APCDD1L: variants seen among roughly 807,000 people sequenced by gnomAD.
APCDD1L encodes the protein APC down-regulated 1 like, also known as protein APCDD1-like.
APCDD1L carries 21 observed loss-of-function variants against 24.2 expected under a neutral mutation model. The ratio of observed to expected loss-of-function variants is 0.87; its 90% confidence interval spans 0.61 to 1.25. The LOEUF is 1.25. Ranked by LOEUF, APCDD1L falls within the 50% of genes most tolerant of loss-of-function variation. APCDD1L has a pLI of 0.00. For synonymous variants in APCDD1L, 321 were observed against 323.6 expected, an observed-to-expected ratio of 0.99 and a Z score of 0.09; for missense variants, 704 against 711.7, an observed-to-expected ratio of 0.99 and a Z score of 0.12.
At chr20:58,493,140 C>T (rs1200335297) in intron 1 of APCDD1L, among the ~76,000 whole-genome samples, 1 of 152,254 alleles carries the variant, frequency 6.6e-6, no homozygotes, top group Non-Finnish European at 1.5e-5. Flanking sequence ...GATGCACTCA[C>T]ACACAATGCA....
chr20:58,469,165 A>T (rs925940934), intron 2 of APCDD1L, among the ~76,000 whole-genome samples: 17 of 152,224 alleles, frequency 1.1e-4, no homozygotes, highest in African/African-American at 3.9e-4. Flanking sequence ...GGATAATATT[A>T]CGTTTTCTTT....
At position 58,497,146 on chromosome 20, in the gene APCDD1L, G is replaced by A. The variant is rs990475095; in HGVS notation, c.49+17513C>T. 6.6e-6 allele frequency among the ~76,000 whole-genome samples: 1 copy of A among 151,962 alleles called. No individual in the cohort carries two copies. Among genetic ancestry groups the A allele is most frequent in the Admixed American group, 6.6e-5 (1 of 15,264 alleles). On this transcript the variant is annotated intron_variant, in intron 1 of 3. Transcript: ENST00000371149. This position sits in a 1 kb window ranked among gnomAD's most constrained non-coding sequence, Gnocchi z 4.3. ...GTGGACACCAGAGGTCACAAGATGG[G>A]GGATGAGGAGGGGGTTGGCGGGAGT...
chr20:58,470,349 T>A (rs1980575), intron 2 of APCDD1L, among the ~76,000 whole-genome samples: 17,891 of 152,158 alleles, frequency 0.12, 1,673 homozygotes, highest in East Asian at 0.27. Context: ...TGCTGACCCC[T>A]GGCACTTAGC....
At chr20:58,480,756 G>A (rs1990010006) in intron 1 of APCDD1L, among the ~76,000 whole-genome samples, 1 of 152,164 alleles carries the variant, frequency 6.6e-6, no homozygotes, top group Non-Finnish European at 1.5e-5. Context: ...GTTTAGGAAT[G>A]TTCCAGAACG....
intron 1 of APCDD1L, among the ~76,000 whole-genome samples, chr20:58,506,335 G>T (rs1243967402): frequency 6.6e-6 from 1 of 152,174 alleles, no homozygotes; most frequent in African/African-American, 2.4e-5. Context: ...TATCCCAGAA[G>T]GAGAAGGTGG....
chr20:58,467,458 T>G lies in APCDD1L; in HGVS notation c.389A>C (p.His130Pro). Reference sequence around the variant, plus strand: ...GCTGTGGAAGACGATGCCCACCTTGTGCAGGTGGTAGTCGGCCTCGGTGGC... The same window carrying G: ...GCTGTGGAAGACGATGCCCACCTTGGGCAGGTGGTAGTCGGCCTCGGTGGC... Reference protein sequence around the residue: ...RGATEADYHLHKVGIVFHSRR... With the variant: ...RGATEADYHLPKVGIVFHSRR... Residue 130 changes from histidine (H) to proline (P), a missense_variant, in exon 3 of 4, where the codon CAC becomes CCC. Coordinates refer to ENST00000371149, the MANE Select transcript of APCDD1L (RefSeq NM_153360.3). The surrounding 1 kb of genome is among the most constrained non-coding windows in gnomAD (Gnocchi z 5.9). The G allele has an allele frequency of 6.3e-7, 1 of 1,593,348 alleles. No homozygotes were observed.
intron 2 of APCDD1L, 43 bp downstream of exon 2, chr20:58,470,566 T>A (rs1423237915): frequency 1.3e-6 from 2 of 1,537,446 alleles, no homozygotes; most frequent in Non-Finnish European, 8.8e-7. Context: ...GGCAGAAGTC[T>A]CCCAGTCCAG....
rs539415763 is a variant in APCDD1L, at chr20:58,482,736, C to T, written c.50-11989G>A. ...TTCCAGATAGGGGTGATGACTGCCT[C>T]CATCTTACAGACCCCAAAACGGAGG... On this transcript the variant is annotated intron_variant, in intron 1 of 3. Transcript: ENST00000371149. Among the ~76,000 whole-genome samples, 17 of 152,282 alleles carry T rather than the reference C, an allele frequency of 1.1e-4. No individual in the cohort carries two copies. In the South Asian group the frequency reaches 3.5e-3, roughly 32 times the overall value.
rs376210258 is a variant in APCDD1L at position 58,467,695 on chromosome 20, G to T, written c.189-37C>A. 1 of 1,431,926 alleles carries T rather than the reference G, an allele frequency of 7.0e-7. No homozygotes were observed. Among genetic ancestry groups the T allele is most frequent in the South Asian group, 1.6e-5 (1 of 63,124 alleles). The allele number at this position is 1,431,926 out of a possible 1,614,324, so 88.7% of individuals were successfully genotyped here. On this transcript the variant is annotated intron_variant, in intron 2 of 3. Coordinates refer to ENST00000371149, the MANE Select transcript of APCDD1L (RefSeq NM_153360.3). The surrounding 1 kb of genome is among the most constrained non-coding windows in gnomAD (Gnocchi z 5.9). ...GAAGGAGATGGGCTGGGTGCAGAGG[G>T]AACACCGCGCCGCGAGCCCCTCTCC...
intron 1 of APCDD1L, among the ~76,000 whole-genome samples, chr20:58,510,703 G>A (rs917545162): frequency 5.3e-5 from 8 of 152,214 alleles, no homozygotes; most frequent in African/African-American, 1.4e-4. Context: ...CTGCAGATAA[G>A]GAAATTGATG....
At position 58,480,736 on chromosome 20, in the gene APCDD1L, CTGTT is replaced by C. The variant is rs562871333; in HGVS notation, c.50-9993_50-9990del. Among the ~76,000 whole-genome samples, 259 of 152,274 alleles carry C rather than the reference CTGTT, an allele frequency of 1.7e-3. 2 individuals carry two copies. Among genetic ancestry groups the C allele is most frequent in the Non-Finnish European group, 2.6e-3 (179 of 68,020 alleles). ...AGCCTGGCTCATAAGCTAGGTTTTT[CTGTT>C]TGTTTGTTTAGGAATGTTCCAGAAC... On this transcript the variant is annotated intron_variant, in intron 1 of 3. Coordinates refer to ENST00000371149, the MANE Select transcript of APCDD1L (RefSeq NM_153360.3).
chr20:58,474,160 T>C (rs1229274139), intron 1 of APCDD1L, among the ~76,000 whole-genome samples: 1 of 152,206 alleles, frequency 6.6e-6, no homozygotes, highest in African/African-American at 2.4e-5. Context: ...GCCAGGTGCT[T>C]CATCTGCATC....
At chr20:58,514,561 G>T in intron 1 of APCDD1L, 98 bp downstream of exon 1, 1 of 1,176,272 alleles carries the variant, frequency 8.5e-7, no homozygotes, top group Non-Finnish European at 1.1e-6. Flanking sequence ...GGCCGACCCA[G>T]GGCCGTAGTC....
At position 58,461,849 on chromosome 20, in the gene APCDD1L, A is replaced by C; in HGVS notation, c.742-295T>G. ...CTTACCTCTTAGGTCTCAGCTGGGCACCAGAGAGAGCTTTCCCGAATGCCC... is the reference window on the plus strand; with the variant it reads ...CTTACCTCTTAGGTCTCAGCTGGGCCCCAGAGAGAGCTTTCCCGAATGCCC... On this transcript the variant is annotated intron_variant, in intron 3 of 3. Transcript: ENST00000371149. The surrounding 1 kb of genome is among the most constrained non-coding windows in gnomAD (Gnocchi z 6.0). The C allele has an allele frequency of 2.9e-6, 1 of 345,480 alleles. No homozygotes were observed. Among genetic ancestry groups the C allele is most frequent in the Non-Finnish European group, 5.2e-6 (1 of 192,126 alleles). The allele number at this position is 345,480 out of a possible 1,614,324, so 21.4% of individuals were successfully genotyped here.
intron 1 of APCDD1L, among the ~76,000 whole-genome samples, chr20:58,481,750 C>T (rs1428120583): frequency 6.6e-6 from 1 of 152,212 alleles, no homozygotes; most frequent in Non-Finnish European, 1.5e-5. Context: ...CTTCGGCCTC[C>T]AGCTGAGGGT....
chr20:58,463,598 G>A (rs777139019), intron 3 of APCDD1L, among the ~76,000 whole-genome samples: 2 of 152,140 alleles, frequency 1.3e-5, no homozygotes, highest in African/African-American at 2.4e-5. Flanking sequence ...AGGCCAGAGC[G>A]CCGTTCTGGA....
chr20:58,473,629 A>C (rs1457328426), intron 1 of APCDD1L, among the ~76,000 whole-genome samples: 1 of 152,208 alleles, frequency 6.6e-6, no homozygotes, highest in Non-Finnish European at 1.5e-5. Context: ...TCCTCCAAAA[A>C]AGTCTTAACT....
At chr20:58,496,670 G>A (rs1170342903) in intron 1 of APCDD1L, among the ~76,000 whole-genome samples, 2 of 152,264 alleles carry the variant, frequency 1.3e-5, no homozygotes. Context: ...GACAGGCCGG[G>A]AGGGTGCAGG....
Position 58,467,689 on chromosome 20 carries a change from C to G in APCDD1L, c.189-31G>C. The G allele has an allele frequency of 1.4e-6, 2 of 1,449,690 alleles. No individual in the cohort carries two copies. The highest frequency in any genetic ancestry group is 1.8e-6 in the Non-Finnish European group (2 of 1,100,200). 89.8% of individuals were successfully genotyped at this position (1,449,690 alleles called of 1,614,324 possible). On this transcript the variant is annotated intron_variant, in intron 2 of 3. Coordinates refer to ENST00000371149, the MANE Select transcript of APCDD1L (RefSeq NM_153360.3). This position sits in a 1 kb window ranked among gnomAD's most constrained non-coding sequence, Gnocchi z 5.9. The stretch of plus-strand genomic sequence containing the variant: ...GGGGTGGAAGGAGATGGGCTGGGTG[C>G]AGAGGGAACACCGCGCCGCGAGCCC...
Sources: allele counts gnomAD v4.1 joint callset (sites outside exome capture counted in the v4.1 genomes callset), GRCh38; gene constraint gnomAD v4.1.1; non-coding constraint Gnocchi (gnomAD v3.1); transcripts MANE v1.5; gene names NCBI Gene and HGNC (gene_info 2026-07-23, HGNC 2026-07-21).